ERC2: variants seen among roughly 807,000 people sequenced by gnomAD.
ERC2 encodes ELKS/RAB6-interacting/CAST family member 2.
ERC2 carries 42 observed loss-of-function variants against 114.8 expected under a neutral mutation model. The ratio of observed to expected loss-of-function variants is 0.37; its 90% CI spans 0.29 to 0.47. The LOEUF is 0.47. ERC2 is among the 20% of genes least tolerant of loss of function. ERC2 has a pLI of 0.99. For synonymous variants in ERC2, 454 were observed against 425.5 expected (o/e 1.07, Z -0.82); for missense variants, 939 against 1,150.7 (o/e 0.82, Z 2.66).
intron 17 of ERC2, among the ~76,000 whole-genome samples, chr3:55,550,935 G>T (rs1393389949): frequency 6.7e-6 from 1 of 150,074 alleles, no homozygotes; most frequent in African/African-American, 2.5e-5. Flanking sequence ...AGAATGGCGT[G>T]AACCTGGGAG....
At chr3:55,547,196 G>A (rs2054816024) in intron 17 of ERC2, among the ~76,000 whole-genome samples, 1 of 152,228 alleles carries the variant, frequency 6.6e-6, no homozygotes, top group South Asian at 2.1e-4. Flanking sequence ...TGATGCCCAG[G>A]GCTGTCCTCG....
chr3:56,150,988 T>C (rs1436865266), intron 4 of ERC2, among the ~76,000 whole-genome samples: 3 of 152,066 alleles, frequency 2.0e-5, no homozygotes, highest in Non-Finnish European at 4.4e-5. Context: ...AGAAAGGACA[T>C]GGGGAGAAGG....
intron 15 of ERC2, among the ~76,000 whole-genome samples, chr3:55,726,694 C>T (rs1239201875): frequency 1.3e-5 from 2 of 152,184 alleles, no homozygotes; most frequent in African/African-American, 4.8e-5. Context: ...GATTACATTA[C>T]ATGCAACTTG....
In ERC2 at chr3:56,139,738, A is replaced by G. The variant is rs952407456; in HGVS notation, c.1306-62T>C. The G allele has an allele frequency of 2.7e-6, 4 of 1,487,862 alleles. 1 individual carries two copies. The Middle Eastern group carries it at 8.0e-4, about 298-fold the overall frequency. 92.2% of individuals were successfully genotyped at this position (1,487,862 alleles called of 1,614,324 possible). A position where few individuals can be genotyped will look rare whatever the true frequency, so the allele number is the denominator to read the frequency against. ...TTGCTGCCCCTACACTTTACATTGG[A>G]CAACTACTGATTTCTCTCCATTTCA... On this transcript the variant is annotated intron_variant, in intron 5 of 17. Coordinates refer to ENST00000288221, the MANE Select transcript of ERC2 (RefSeq NM_015576.3).
intron 16 of ERC2, among the ~76,000 whole-genome samples, chr3:55,693,928 C>T (rs1433533538): frequency 6.6e-6 from 1 of 152,086 alleles, no homozygotes; most frequent in South Asian, 2.1e-4. Flanking sequence ...AGGCTCGTCT[C>T]GAACTCCTGA....
chr3:56,352,470 C>T (rs922621629), intron 2 of ERC2, among the ~76,000 whole-genome samples: 2 of 152,034 alleles, frequency 1.3e-5, no homozygotes, highest in Non-Finnish European at 2.9e-5. Flanking sequence ...GACAAGATTG[C>T]GGGGAGGTGG....
At chr3:56,076,438 T>G (rs2076982149) in intron 7 of ERC2, among the ~76,000 whole-genome samples, 1 of 152,152 alleles carries the variant, frequency 6.6e-6, no homozygotes, top group Admixed American at 6.6e-5. Flanking sequence ...TTTTATGACA[T>G]TTCCTACAAA....
chr3:55,610,804 T>C (rs149807986), intron 17 of ERC2: 1 of 152,294 alleles, frequency 6.6e-6, no homozygotes, highest in East Asian at 1.9e-4. Flanking sequence ...ATAGAAATAA[T>C]TTTATCTAAA....
chr3:55,612,320 T>C (rs954916802), intron 17 of ERC2, among the ~76,000 whole-genome samples: 1 of 152,204 alleles, frequency 6.6e-6, no homozygotes, highest in African/African-American at 2.4e-5. Flanking sequence ...CAGCATGAAC[T>C]GAGAGAGGGG....
intron 17 of ERC2, among the ~76,000 whole-genome samples, chr3:55,541,659 A>G (rs1404650974): frequency 6.6e-6 from 1 of 152,216 alleles, no homozygotes; most frequent in Non-Finnish European, 1.5e-5. Context: ...GTCTTCTCCA[A>G]CATAAAAATT....
chr3:55,806,293 C>T (rs1342927571), intron 14 of ERC2, among the ~76,000 whole-genome samples: 1 of 150,322 alleles, frequency 6.7e-6, no homozygotes, highest in Non-Finnish European at 1.5e-5. Context: ...TGAGATCATG[C>T]CACTGCACTC....
intron 2 of ERC2, among the ~76,000 whole-genome samples, chr3:56,383,986 C>T (rs2059846437): frequency 6.6e-6 from 1 of 152,174 alleles, no homozygotes; most frequent in South Asian, 2.1e-4. Context: ...TTTCATTTAG[C>T]ATAATGTCCT....
chr3:56,206,233 C>A (rs2048727935), intron 3 of ERC2, among the ~76,000 whole-genome samples: 1 of 151,662 alleles, frequency 6.6e-6, no homozygotes, highest in African/African-American at 2.4e-5. Flanking sequence ...ACATACACAC[C>A]AAGCCAGGGT....
chr3:55,828,288 A>G (rs2149174929), intron 14 of ERC2, among the ~76,000 whole-genome samples: 1 of 152,356 alleles, frequency 6.6e-6, no homozygotes, highest in East Asian at 1.9e-4. Context: ...TGAAGGCTCC[A>G]AAAGTGATGT....
At chr3:56,425,338 G>A (rs1406381609) in intron 2 of ERC2, among the ~76,000 whole-genome samples, 2 of 152,086 alleles carry the variant, frequency 1.3e-5, no homozygotes, top group African/African-American at 4.8e-5. Flanking sequence ...CCTTTCAATT[G>A]TGACCCTAGG....
At chr3:55,636,839 G>A (rs1052892089) in intron 17 of ERC2, among the ~76,000 whole-genome samples, 4 of 152,188 alleles carry the variant, frequency 2.6e-5, no homozygotes, top group Middle Eastern at 3.2e-3. Context: ...CCTTGCTAAT[G>A]ACAAACCAGA....
intron 14 of ERC2, among the ~76,000 whole-genome samples, chr3:55,854,251 G>A (rs1403501741): frequency 1.3e-5 from 2 of 152,178 alleles, no homozygotes; most frequent in African/African-American, 2.4e-5. Context: ...CTCCAGCCCA[G>A]GTGTCAGAGT....
chr3:56,087,865 C>A (rs1400903910), intron 6 of ERC2, among the ~76,000 whole-genome samples: 2 of 152,106 alleles, frequency 1.3e-5, no homozygotes, highest in African/African-American at 4.8e-5. Context: ...AAACAGGAGA[C>A]AGTTTCAAAG....
chr3:55,914,779 A>C (rs900334311), intron 13 of ERC2, among the ~76,000 whole-genome samples: 1 of 152,170 alleles, frequency 6.6e-6, no homozygotes, highest in Non-Finnish European at 1.5e-5. Context: ...TGATCTCTTG[A>C]ACTTTATCCC....
Sources: allele counts gnomAD v4.1 joint callset (sites outside exome capture counted in the v4.1 genomes callset), GRCh38; gene constraint gnomAD v4.1.1; transcripts MANE v1.5; gene names NCBI Gene and HGNC (gene_info 2026-07-23, HGNC 2026-07-21).